Variants in MBNL2 observed in about 807,000 individuals in gnomAD.
MBNL2 encodes muscleblind like splicing regulator 2.
MBNL2 carries 17 observed loss-of-function variants against 41.9 expected under a neutral mutation model. The observed-to-expected ratio is 0.41, with a 90% CI of 0.28 to 0.61. MBNL2 has a LOEUF of 0.61. Ranked by LOEUF, MBNL2 falls within the 20% of genes least tolerant of loss-of-function variation. MBNL2 has a pLI of 0.35. For synonymous variants in MBNL2, 195 were observed against 182.9 expected, an observed-to-expected ratio of 1.07 and a Z score of -0.53; for missense variants, 336 against 505.6, an observed-to-expected ratio of 0.66 and a Z score of 3.22.
At chr13:97,154,303 T>G in the MBNL2 span, among the ~76,000 whole-genome samples, 8 of 152,092 alleles carry the variant, frequency 5.3e-5, no homozygotes, top group African/African-American at 1.9e-4. Flanking sequence ...TTTTACCCGT[T>G]GGTTTTTTGT....
intron 1 of MBNL2, among the ~76,000 whole-genome samples, chr13:97,224,978 G>A (rs2041383934): frequency 6.6e-6 from 1 of 152,202 alleles, no homozygotes; most frequent in Non-Finnish European, 1.5e-5. Context: ...TTTGACTTTT[G>A]TGTTAAATTT....
chr13:97,187,169 A>G, the MBNL2 span, among the ~76,000 whole-genome samples: 2 of 152,206 alleles, frequency 1.3e-5, no homozygotes, highest in East Asian at 1.9e-4. Flanking sequence ...TTTCTTTTGG[A>G]GTGTAGACTA....
chr13:97,362,685 G>T (rs1439707166), intron 7 of MBNL2, among the ~76,000 whole-genome samples: 3 of 152,080 alleles, frequency 2.0e-5, no homozygotes, highest in African/African-American at 7.2e-5. Context: ...CAGAGGAGTG[G>T]CCAGGCCTGC....
At chr13:97,317,958 A>C (rs1195371016) in intron 2 of MBNL2, among the ~76,000 whole-genome samples, 1 of 152,188 alleles carries the variant, frequency 6.6e-6, no homozygotes, top group African/African-American at 2.4e-5. Flanking sequence ...TTTGCTTTTC[A>C]TCTTTGTAGC....
intron 8 of MBNL2, among the ~76,000 whole-genome samples, chr13:97,373,712 C>G (rs994248961): frequency 8.6e-5 from 13 of 151,848 alleles, no homozygotes; most frequent in African/African-American, 2.9e-4. Context: ...ATTAATTTTT[C>G]TCTTCAAGAA....
chr13:97,243,080 A>G (rs1177081743), intron 1 of MBNL2, among the ~76,000 whole-genome samples: 1 of 152,112 alleles, frequency 6.6e-6, no homozygotes, highest in Admixed American at 6.5e-5. Context: ...CCCCTCCCAT[A>G]TATCCCCCAC....
upstream of MBNL2, among the ~76,000 whole-genome samples, chr13:97,216,778 C>T (rs1311868080): frequency 6.6e-6 from 1 of 152,032 alleles, no homozygotes; most frequent in Non-Finnish European, 1.5e-5. Flanking sequence ...CTGCATTGTG[C>T]CTTTCAGCTT....
upstream of MBNL2, among the ~76,000 whole-genome samples, chr13:97,218,545 C>T (rs1222881587): frequency 1.3e-5 from 2 of 151,282 alleles, no homozygotes; most frequent in Non-Finnish European, 2.9e-5. Flanking sequence ...TGGGCAAATT[C>T]GAAGGTACTG....
At chr13:97,186,027 G>A in the MBNL2 span, among the ~76,000 whole-genome samples, 31 of 152,248 alleles carry the variant, frequency 2.0e-4, no homozygotes, top group Admixed American at 1.6e-3. Context: ...TTAGATTCGT[G>A]AGCCAGATTG....
At chr13:97,386,104 A>G (rs1487807033) in intron 8 of MBNL2, among the ~76,000 whole-genome samples, 1 of 152,002 alleles carries the variant, frequency 6.6e-6, no homozygotes, top group East Asian at 1.9e-4. Context: ...TTGGTCACAT[A>G]CTCTCTTTCT....
At chr13:97,218,612 T>C (rs2040611294), upstream of MBNL2, among the ~76,000 whole-genome samples, 1 of 152,108 alleles carries the variant, frequency 6.6e-6, no homozygotes, top group Admixed American at 6.6e-5. Context: ...TGATATCTTC[T>C]TGCTACTTGT....
chr13:97,238,189 A>T (rs1048328340), intron 1 of MBNL2, among the ~76,000 whole-genome samples: 1 of 152,238 alleles, frequency 6.6e-6, no homozygotes, highest in South Asian at 2.1e-4. Flanking sequence ...TTTGGAATTC[A>T]TCCACAGAAG....
chr13:97,228,198 A>G (rs1230498245), intron 1 of MBNL2, among the ~76,000 whole-genome samples: 1 of 152,168 alleles, frequency 6.6e-6, no homozygotes, highest in Non-Finnish European at 1.5e-5. Flanking sequence ...CCAGCTGGCC[A>G]GTAGAAGAGA....
At chr13:97,194,149 C>T in the MBNL2 span, among the ~76,000 whole-genome samples, 4,516 of 152,276 alleles carry the variant, frequency 0.03, 196 homozygotes, top group African/African-American at 0.1. Flanking sequence ...TCAATGCCAG[C>T]ATCATAATTC....
the MBNL2 span, among the ~76,000 whole-genome samples, chr13:97,158,399 G>GT: frequency 6.6e-6 from 1 of 152,044 alleles, no homozygotes; most frequent in Non-Finnish European, 1.5e-5. Context: ...ATTTCCTTCA[G>GT]TTCTGCTCTG....
intron 1 of MBNL2, among the ~76,000 whole-genome samples, chr13:97,262,270 C>A (rs1469863355): frequency 6.6e-6 from 1 of 152,208 alleles, no homozygotes; most frequent in Non-Finnish European, 1.5e-5. Context: ...AGCGTCATGT[C>A]ACAGAAACCA....
chr13:97,379,528 C>A (rs921907879), intron 8 of MBNL2, among the ~76,000 whole-genome samples: 1 of 152,094 alleles, frequency 6.6e-6, no homozygotes, highest in African/African-American at 2.4e-5. Context: ...CCTGCAGGAG[C>A]GACTGTAAAG....
the MBNL2 span, among the ~76,000 whole-genome samples, chr13:97,156,804 T>C: frequency 1.3e-5 from 2 of 152,198 alleles, no homozygotes; most frequent in Non-Finnish European, 2.9e-5. Flanking sequence ...TGTAGCCTTG[T>C]AGTATAGTTT....
At position 97,300,392 on chromosome 13, in the gene MBNL2, G is replaced by C. The variant is rs561114614; in HGVS notation, c.174+23983G>C. Among the ~76,000 whole-genome samples the C allele has an allele frequency of 1.8e-3, 274 of 152,286 alleles. 2 individuals carry two copies. Among genetic ancestry groups the C allele is most frequent in the South Asian group, 5.8e-3 (28 of 4,814 alleles). On this transcript the variant is annotated intron_variant, in intron 2 of 8. Coordinates refer to ENST00000679496, the MANE Select transcript of MBNL2 (RefSeq NM_001382683.1). ...GGCATCAGAGACCGATTTCATAGAAGGTCGGTGGGGGATAGTTTGGGGATG... is the reference window on the plus strand; with the variant it reads ...GGCATCAGAGACCGATTTCATAGAACGTCGGTGGGGGATAGTTTGGGGATG...
Sources: gnomAD v4.1 joint callset for allele counts (sites outside exome capture counted in the v4.1 genomes callset) on GRCh38, gnomAD v4.1.1 for gene constraint, MANE v1.5 for transcripts, NCBI Gene and HGNC (gene_info 2026-07-23, HGNC 2026-07-21) for gene names.